Variants in GRID1 observed in about 807,000 individuals in gnomAD.
GRID1 encodes the protein glutamate ionotropic receptor delta type subunit 1, also known as glutamate receptor ionotropic, delta-1.
Under a neutral mutation model 98.0 loss-of-function variants are expected in GRID1, and 28 were observed. That is an observed-to-expected ratio of 0.29 (90% CI 0.21 to 0.39). The LOEUF is 0.39. GRID1 is among the 10% of genes least tolerant of loss of function. The pLI is 1.00. For synonymous variants in GRID1, 553 were observed against 538.5 expected, an observed-to-expected ratio of 1.03 and a Z score of -0.37; for missense variants, 1,111 against 1,340.5, an observed-to-expected ratio of 0.83 and a Z score of 2.67.
intron 2 of GRID1, among the ~76,000 whole-genome samples, chr10:86,224,985 G>A (rs1215009518): frequency 6.6e-6 from 1 of 152,236 alleles, no homozygotes; most frequent in African/African-American, 2.4e-5. Context: ...GGGTCCCCAA[G>A]GCACAGGTGC....
At chr10:85,905,366 T>C (rs372580992) in intron 5 of GRID1, among the ~76,000 whole-genome samples, 18 of 151,992 alleles carry the variant, frequency 1.2e-4, no homozygotes, top group East Asian at 3.9e-4. Context: ...AACTGTACTA[T>C]AAGAAATGTC....
chr10:85,824,710 A>G (rs933270058), intron 8 of GRID1, among the ~76,000 whole-genome samples: 2 of 151,984 alleles, frequency 1.3e-5, no homozygotes, highest in Non-Finnish European at 2.9e-5. Flanking sequence ...CCAACCTTCC[A>G]GTCTTCTGAG....
At chr10:86,255,078 C>G (rs1846897052) in intron 2 of GRID1, among the ~76,000 whole-genome samples, 1 of 152,194 alleles carries the variant, frequency 6.6e-6, no homozygotes, top group Non-Finnish European at 1.5e-5. Flanking sequence ...ACTGTGTCTC[C>G]TGCTCCATGG....
chr10:85,886,529 C>T (rs72842936), intron 5 of GRID1, among the ~76,000 whole-genome samples: 3,794 of 152,160 alleles, frequency 0.025, 163 homozygotes, highest in East Asian at 0.2. Flanking sequence ...TCTCCAAATA[C>T]GAGATCTCAA....
chr10:85,625,006 T>C (rs1363771497), intron 13 of GRID1, among the ~76,000 whole-genome samples: 1 of 152,164 alleles, frequency 6.6e-6, no homozygotes, highest in African/African-American at 2.4e-5. Context: ...TATATTTATA[T>C]ATAGACATAT....
intron 2 of GRID1, among the ~76,000 whole-genome samples, chr10:86,266,403 C>T (rs1052904091): frequency 6.6e-6 from 1 of 152,238 alleles, no homozygotes; most frequent in East Asian, 1.9e-4. Context: ...AAAACTACCA[C>T]ATCTGACCCC....
At chr10:86,094,506 A>T (rs1459586866) in intron 4 of GRID1, among the ~76,000 whole-genome samples, 1 of 152,222 alleles carries the variant, frequency 6.6e-6, no homozygotes, top group Non-Finnish European at 1.5e-5. Flanking sequence ...AAGTTTCCAG[A>T]TACAAGACTA....
intron 4 of GRID1, among the ~76,000 whole-genome samples, chr10:86,044,092 C>T (rs747891524): frequency 6.6e-6 from 1 of 152,196 alleles, no homozygotes; most frequent in Non-Finnish European, 1.5e-5. Context: ...CAAGCCCCCA[C>T]ACAGAAACAC....
intron 3 of GRID1, among the ~76,000 whole-genome samples, chr10:86,186,712 C>A (rs1369928202): frequency 1.3e-5 from 2 of 152,216 alleles, no homozygotes; most frequent in Non-Finnish European, 1.5e-5. Flanking sequence ...AAACACTAAA[C>A]TCAATGCTGG....
chr10:86,160,907 G>T (rs544560352), intron 3 of GRID1, among the ~76,000 whole-genome samples: 1 of 152,220 alleles, frequency 6.6e-6, no homozygotes, highest in African/African-American at 2.4e-5. Flanking sequence ...CTGAGCACAC[G>T]CTCAGTGTGC....
intron 8 of GRID1, among the ~76,000 whole-genome samples, chr10:85,814,439 A>T (rs1209469554): frequency 2.6e-5 from 4 of 152,004 alleles, no homozygotes; most frequent in African/African-American, 7.2e-5. Flanking sequence ...TAATAAAGGT[A>T]AAAGCAGAAA....
intron 3 of GRID1, among the ~76,000 whole-genome samples, chr10:86,198,194 A>G (rs1269590985): frequency 6.6e-6 from 1 of 152,096 alleles, no homozygotes; most frequent in South Asian, 2.1e-4. Flanking sequence ...TATGAAAACC[A>G]GTTAAGCTGT....
At chr10:85,955,612 C>G (rs1235424561) in intron 4 of GRID1, among the ~76,000 whole-genome samples, 1 of 152,134 alleles carries the variant, frequency 6.6e-6, no homozygotes, top group Non-Finnish European at 1.5e-5. Flanking sequence ...TCCAGCTGTG[C>G]CTGGGATAAG....
intron 4 of GRID1, among the ~76,000 whole-genome samples, chr10:86,128,116 C>G (rs1844780519): frequency 6.6e-6 from 1 of 152,196 alleles, no homozygotes; most frequent in South Asian, 2.1e-4. Context: ...AGCCCCAGCC[C>G]TGGAAAGAAA....
intron 12 of GRID1, among the ~76,000 whole-genome samples, chr10:85,692,664 T>TAAAA (rs59335128): frequency 5.1e-5 from 7 of 136,204 alleles, no homozygotes; most frequent in African/African-American, 1.4e-4. Context: ...GAGACCCTGT[T>TAAAA]AAAAAAAAAA....
chr10:85,854,826 C>G (rs1843093761), intron 7 of GRID1, among the ~76,000 whole-genome samples: 1 of 152,206 alleles, frequency 6.6e-6, no homozygotes, highest in African/African-American at 2.4e-5. Flanking sequence ...TGGGAGAAAT[C>G]CCTAAGGCTT....
At chr10:86,187,804 AAGG>A (rs768347923) in intron 3 of GRID1, among the ~76,000 whole-genome samples, 1 of 152,236 alleles carries the variant, frequency 6.6e-6, no homozygotes, top group African/African-American at 2.4e-5. Flanking sequence ...GGAATAATTC[AAGG>A]AGAAGTTCCC....
intron 8 of GRID1, among the ~76,000 whole-genome samples, chr10:85,732,776 A>T (rs184290174): frequency 7.4e-4 from 113 of 152,332 alleles, no homozygotes; most frequent in African/African-American, 2.7e-3. Context: ...TTACAGAATA[A>T]ATCCTAAGAC....
chr10:85,654,003 C>G (rs999833675), intron 12 of GRID1, among the ~76,000 whole-genome samples: 20 of 152,168 alleles, frequency 1.3e-4, no homozygotes, highest in African/African-American at 4.8e-4. Flanking sequence ...TATCCAAAGC[C>G]TAGTCGGTGT....
Sources: gnomAD v4.1 joint callset for allele counts (sites outside exome capture counted in the v4.1 genomes callset) on GRCh38, gnomAD v4.1.1 for gene constraint, MANE v1.5 for transcripts, NCBI Gene and HGNC (gene_info 2026-07-23, HGNC 2026-07-21) for gene names.